The following BAIAP2L1 variants were observed in gnomAD, a reference collection of about 807,000 sequenced individuals.
The protein encoded by BAIAP2L1 is BAR/IMD domain-containing adapter protein 2-like 1.
In BAIAP2L1, 35 loss-of-function variants were observed where a neutral mutation model predicts 66.3. That is an observed-to-expected ratio of 0.53 (90% confidence interval 0.40 to 0.70). The LOEUF (loss-of-function observed/expected upper bound fraction) is 0.70, where lower values mean the gene tolerates loss of function less well. Among genes scored for constraint, BAIAP2L1 ranks in the 30% least tolerant of loss-of-function variants. BAIAP2L1 has a pLI of 0.00. For missense variants in BAIAP2L1, 622 were observed against 656.9 expected, an observed-to-expected ratio of 0.95 and a Z score of 0.58; for synonymous variants, 269 against 248.7, an observed-to-expected ratio of 1.08 and a Z score of -0.77.
chr7:98,338,195 G>A (rs958498594), intron 3 of BAIAP2L1, among the ~76,000 whole-genome samples: 6 of 152,270 alleles, frequency 3.9e-5, no homozygotes, highest in Admixed American at 6.5e-5. Flanking sequence ...CACTTTGGGA[G>A]GCCGAGGCGG....
chr7:98,323,758 G>A (rs1010085669), intron 3 of BAIAP2L1, among the ~76,000 whole-genome samples: 2 of 152,214 alleles, frequency 1.3e-5, no homozygotes, highest in Non-Finnish European at 2.9e-5. Flanking sequence ...ACTGCTCCTG[G>A]AATTCAGATG....
intron 1 of BAIAP2L1, among the ~76,000 whole-genome samples, chr7:98,381,041 C>G (rs1186162834): frequency 6.6e-6 from 1 of 152,152 alleles, no homozygotes; most frequent in Non-Finnish European, 1.5e-5. Flanking sequence ...CACCACTGGT[C>G]TGCAAAGCAT....
chr7:98,354,395 G>C (rs1802072916), intron 3 of BAIAP2L1, among the ~76,000 whole-genome samples: 1 of 152,154 alleles, frequency 6.6e-6, no homozygotes, highest in Non-Finnish European at 1.5e-5. Context: ...GGTTAAGCCA[G>C]AAATTTTACC....
intron 3 of BAIAP2L1, among the ~76,000 whole-genome samples, chr7:98,351,624 T>G (rs1312277879): frequency 6.6e-6 from 1 of 151,960 alleles, no homozygotes; most frequent in South Asian, 2.1e-4. Flanking sequence ...CCTGGCACCA[T>G]GAGGAAATGA....
chr7:98,374,616 G>A (rs1401900219), intron 1 of BAIAP2L1, among the ~76,000 whole-genome samples: 1 of 151,944 alleles, frequency 6.6e-6, no homozygotes, highest in African/African-American at 2.4e-5. Context: ...GATTGTAGGT[G>A]TCTCTATAGT....
chr7:98,367,117 C>G (rs960475601), intron 1 of BAIAP2L1, among the ~76,000 whole-genome samples: 11 of 151,618 alleles, frequency 7.3e-5, no homozygotes, highest in Non-Finnish European at 1.6e-4. Flanking sequence ...GGTCTGTCCA[C>G]AGCTGTTATT....
intron 3 of BAIAP2L1, among the ~76,000 whole-genome samples, chr7:98,349,452 C>G (rs182467454): frequency 6.6e-6 from 1 of 152,146 alleles, no homozygotes; most frequent in Non-Finnish European, 1.5e-5. Flanking sequence ...ATCCTTACCC[C>G]GTAACTCCTG....
At chr7:98,331,535 C>T (rs1801494906) in intron 3 of BAIAP2L1, among the ~76,000 whole-genome samples, 1 of 135,966 alleles carries the variant, frequency 7.4e-6, no homozygotes, top group Non-Finnish European at 1.5e-5. Flanking sequence ...ATGGCGTGAT[C>T]TCGGCTCACC....
At chr7:98,367,534 CTT>C (rs1380227043) in intron 1 of BAIAP2L1, among the ~76,000 whole-genome samples, 1 of 114,500 alleles carries the variant, frequency 8.7e-6, no homozygotes. Flanking sequence ...CCACACCTGG[CTT>C]TTTTTTTTTT....
Position 98,332,809 on chromosome 7 carries a change from C to CCAA in BAIAP2L1, c.215-12512_215-12511insTTG, listed in dbSNP as rs563501880. Among the ~76,000 whole-genome samples, 379 of 83,720 alleles carry CCAA rather than the reference C, an allele frequency of 4.5e-3. 3 individuals are homozygous for CCAA. Among genetic ancestry groups the CCAA allele is most frequent in the African/African-American group, 0.017 (347 of 20,718 alleles). 54.9% of individuals were successfully genotyped at this position (83,720 alleles called of 152,430 possible). ...GGGTTACAGAATGAGACTTCGTCCC[C>CCAA]AAAAAAAAAAAAAAAAAAAAAAGTT... On this transcript the variant is annotated intron_variant, in intron 3 of 13. Transcript: ENST00000005260.
intron 1 of BAIAP2L1, chr7:98,400,486 G>GGGGA (rs1418036047): frequency 2.0e-5 from 8 of 391,432 alleles, no homozygotes; most frequent in Non-Finnish European, 2.7e-5. Flanking sequence ...GAGAGTGAAC[G>GGGGA]GGGAGCGGAG....
In BAIAP2L1 at chr7:98,369,936, T is replaced by C. The variant is rs1802472587; in HGVS notation, c.52-7504A>G. Among the ~76,000 whole-genome samples the C allele has an allele frequency of 2.0e-5, 3 of 152,098 alleles. No individual in the cohort carries two copies. The South Asian group carries it at 6.2e-4, about 32-fold the overall frequency. Reference sequence around the variant, plus strand: ...ATTCATCCGCCTCAGCCTCCCAAAGTGCTGGGATTACAGGCATGAGCCATC... The same window carrying C: ...ATTCATCCGCCTCAGCCTCCCAAAGCGCTGGGATTACAGGCATGAGCCATC... On this transcript the variant is annotated intron_variant, in intron 1 of 13. Coordinates refer to ENST00000005260, the MANE Select transcript of BAIAP2L1 (RefSeq NM_018842.5).
At chr7:98,359,469 C>T (rs1365012808) in intron 2 of BAIAP2L1, among the ~76,000 whole-genome samples, 11 of 152,114 alleles carry the variant, frequency 7.2e-5, no homozygotes, top group African/African-American at 2.2e-4. Flanking sequence ...GACGGGGTTT[C>T]ACCATGTTGG....
At position 98,320,334 on chromosome 7, in the gene BAIAP2L1, T is replaced by C. The variant is rs746336333; in HGVS notation, c.215-36A>G. ...AACCAGATATGTTAGCGGGAAGCCA[T>C]TGCGTATTTTTTTGTTTTGAAATGG... On this transcript the variant is annotated intron_variant, in intron 3 of 13. Coordinates refer to ENST00000005260, the MANE Select transcript of BAIAP2L1 (RefSeq NM_018842.5). 1.5e-5 allele frequency: 22 copies of C among 1,496,798 alleles called. No individual in the cohort carries two copies. The East Asian group carries it at 2.7e-4, about 19-fold the overall frequency. The allele number at this position is 1,496,798 out of a possible 1,614,324, so 92.7% of individuals were successfully genotyped here.
At chr7:98,393,120 T>C (rs1466437054) in intron 1 of BAIAP2L1, among the ~76,000 whole-genome samples, 3 of 85,560 alleles carry the variant, frequency 3.5e-5, no homozygotes, top group African/African-American at 1.4e-4. Context: ...TGTACACATA[T>C]ATGTATATAT....
intron 12 of BAIAP2L1, among the ~76,000 whole-genome samples, chr7:98,298,810 G>A (rs1800297155): frequency 6.6e-6 from 1 of 152,062 alleles, no homozygotes; most frequent in Non-Finnish European, 1.5e-5. Flanking sequence ...AGCCCTCAAG[G>A]GTGCCAGAGG....
intron 1 of BAIAP2L1, among the ~76,000 whole-genome samples, chr7:98,364,969 A>T: frequency 8.0e-6 from 1 of 125,696 alleles, no homozygotes; most frequent in African/African-American, 3.1e-5. Context: ...TTTGGGTGAC[A>T]GAGTGAGGAT....
intron 2 of BAIAP2L1, among the ~76,000 whole-genome samples, chr7:98,359,088 C>T (rs2115712750): frequency 6.6e-6 from 1 of 152,294 alleles, no homozygotes; most frequent in South Asian, 2.1e-4. Context: ...CACAGCCCCA[C>T]ACGGGCCGCA....
chr7:98,354,152 GCTC>G (rs775224630), intron 3 of BAIAP2L1, among the ~76,000 whole-genome samples: 16 of 151,804 alleles, frequency 1.1e-4, no homozygotes, highest in Non-Finnish European at 2.2e-4. Context: ...CAACAGCCCA[GCTC>G]CTCAACTCCA....
Sources: gnomAD v4.1 joint callset for allele counts (sites outside exome capture counted in the v4.1 genomes callset) on GRCh38, gnomAD v4.1.1 for gene constraint, MANE v1.5 for transcripts, NCBI Gene and HGNC (gene_info 2026-07-23, HGNC 2026-07-21) for gene names.